The following PHF21B variants were observed in gnomAD, a reference collection of about 807,000 sequenced individuals.
PHF21B encodes PHD finger protein 4.
PHF21B carries 22 observed loss-of-function variants against 62.2 expected under a neutral mutation model. The observed-to-expected ratio is 0.35, with a 90% CI of 0.25 to 0.51. PHF21B has a LOEUF of 0.51. PHF21B is among the 20% of genes least tolerant of loss of function. The pLI, the probability that PHF21B is intolerant of heterozygous loss-of-function variation, is 0.97. For missense variants in PHF21B, 701 were observed against 707.9 expected (o/e 0.99, Z 0.11); for synonymous variants, 341 against 314.7 (o/e 1.08, Z -0.88).
At position 44,887,905 on chromosome 22, in the gene PHF21B, C is replaced by T. The variant is rs2070888237; in HGVS notation, c.1197+58G>A. 11 of 1,372,628 alleles carry T rather than the reference C, an allele frequency of 8.0e-6. No individual in the cohort carries two copies. In the South Asian group the frequency reaches 1.7e-4, roughly 21 times the overall value. The allele number at this position is 1,372,628 out of a possible 1,614,324, so 85.0% of individuals were successfully genotyped here. ...TCACCCCTCCTCTGCCCTGTCTCTGCCTACGGTGGGGACCTCCATGCCAGT... is the reference window on the plus strand; with the variant it reads ...TCACCCCTCCTCTGCCCTGTCTCTGTCTACGGTGGGGACCTCCATGCCAGT... On this transcript the variant is annotated intron_variant, in intron 10 of 12. Coordinates refer to ENST00000313237, the MANE Select transcript of PHF21B (RefSeq NM_138415.5).
At chr22:45,006,133 G>A (rs190083155) in intron 2 of PHF21B, among the ~76,000 whole-genome samples, 105 of 152,226 alleles carry the variant, frequency 6.9e-4, no homozygotes, top group African/African-American at 2.5e-3. Flanking sequence ...AAGACAAGGC[G>A]GCTTTATTAG....
chr22:44,935,650 C>A (rs904546142), intron 2 of PHF21B, among the ~76,000 whole-genome samples: 7 of 151,874 alleles, frequency 4.6e-5, no homozygotes, highest in African/African-American at 1.7e-4. Context: ...AACAGAAGCA[C>A]ATGGCTCACA....
chr22:44,882,739 G>A lies in PHF21B; in HGVS notation c.*347C>T. On this transcript the variant is annotated 3_prime_UTR_variant, in exon 13 of 13. Coordinates refer to ENST00000313237, the MANE Select transcript of PHF21B (RefSeq NM_138415.5). Reference sequence around the variant, plus strand: ...GGGGGGCGTGCTTGTCCCCTCCACAGCCTCAGCCTGCCCCTCCAACGGGCC... The same window carrying A: ...GGGGGGCGTGCTTGTCCCCTCCACAACCTCAGCCTGCCCCTCCAACGGGCC... 3.9e-6 allele frequency: 1 copy of A among 259,290 alleles called. No homozygotes were observed. Among genetic ancestry groups the A allele is most frequent in the Non-Finnish European group, 7.3e-6 (1 of 136,200 alleles). 16.1% of individuals were successfully genotyped at this position (259,290 alleles called of 1,614,324 possible).
intron 2 of PHF21B, among the ~76,000 whole-genome samples, chr22:44,966,628 G>A (rs535767012): frequency 1.1e-3 from 172 of 152,196 alleles, no homozygotes; most frequent in South Asian, 3.3e-3. Flanking sequence ...CCCTCCATCC[G>A]TCTGTCACAG....
At chr22:44,884,413 C>CACCAT (rs1321282384) in intron 12 of PHF21B, among the ~76,000 whole-genome samples, 10 of 51,868 alleles carry the variant, frequency 1.9e-4, no homozygotes, top group Non-Finnish European at 4.2e-4. Flanking sequence ...ACCACCATCA[C>CACCAT]CACCACCATG....
In PHF21B at chr22:44,992,297, G is replaced by A. The variant is rs1031674865; in HGVS notation, c.120+16248C>T. On this transcript the variant is annotated intron_variant, in intron 2 of 12. Coordinates refer to ENST00000313237, the MANE Select transcript of PHF21B (RefSeq NM_138415.5). The stretch of plus-strand genomic sequence containing the variant: ...CTGCCGCTGCCCAGGGATGCTGGAC[G>A]ATGAAATGCATGGGAGGAACTGACG... 3.3e-5 allele frequency among the ~76,000 whole-genome samples: 5 copies of A among 152,246 alleles called. No individual in the cohort carries two copies. The South Asian group carries it at 6.2e-4, about 19-fold the overall frequency.
chr22:44,919,500 T>C (rs1361534566), intron 3 of PHF21B, among the ~76,000 whole-genome samples: 1 of 152,182 alleles, frequency 6.6e-6, no homozygotes, highest in Non-Finnish European at 1.5e-5. Flanking sequence ...TGCTCTAGAC[T>C]CTGATTCAGC....
At chr22:44,885,554 T>G in intron 11 of PHF21B, 25 bp from the exon 12 acceptor site, 3 of 1,562,826 alleles carry the variant, frequency 1.9e-6, no homozygotes, top group Non-Finnish European at 2.6e-6. Context: ...GCCAGGTCCC[T>G]GGAGAGGGGC....
rs1176312120 is a variant in PHF21B at position 44,883,258 on chromosome 22, G to A, written c.1424C>T (p.Thr475Ile). Residue 475 changes from threonine to isoleucine, a missense_variant, in exon 13 of 13, where the codon ACC becomes ATC. By Grantham distance (89) the Thr-to-Ile change is moderately conservative. Transcript: ENST00000313237. The stretch of plus-strand genomic sequence containing the variant: ...CCGCAGGCGGTCCAGGGATGACTGG[G>A]TGCCCCTCTGGCGGGCCAGCAGGCT... Reference protein sequence around the residue: ...KTSLLARQRGTQSSLDRLRAL... With the variant: ...KTSLLARQRGIQSSLDRLRAL... 1 of 1,613,760 alleles carries A rather than the reference G, an allele frequency of 6.2e-7. No homozygotes were observed. Among genetic ancestry groups the A allele is most frequent in the Non-Finnish European group, 8.5e-7 (1 of 1,179,952 alleles).
intron 5 of PHF21B, among the ~76,000 whole-genome samples, chr22:44,896,851 A>G (rs894568108): frequency 1.4e-5 from 2 of 140,940 alleles, no homozygotes; most frequent in Admixed American, 7.1e-5. Flanking sequence ...TCTGTCACTT[A>G]TGAAACAGGG....
Position 44,916,587 on chromosome 22 carries a change from G to A in PHF21B, c.257C>T (p.Pro86Leu), listed in dbSNP as rs576735661. Residue 86 changes from proline to leucine, a missense_variant, in exon 4 of 13, where the codon CCG (proline) becomes CTG (leucine). Pro to Leu is a moderately conservative substitution (Grantham distance 98). Transcript: ENST00000313237. ...TLIPDSLPVA[P>L]GRDRPPKQPP... Reference sequence around the variant, plus strand: ...CTGCTTGGGTGGCCGGTCCCGGCCCGGGGCAACGGGGAGGCTGTCTGGAAT... The same window carrying A: ...CTGCTTGGGTGGCCGGTCCCGGCCCAGGGCAACGGGGAGGCTGTCTGGAAT... 20 of 1,604,566 alleles carry A rather than the reference G, an allele frequency of 1.2e-5. No individual in the cohort carries two copies. Among genetic ancestry groups the A allele is most frequent in the African/African-American group, 4.0e-5 (3 of 74,938 alleles).
chr22:44,982,801 T>C (rs2072867327), intron 2 of PHF21B, among the ~76,000 whole-genome samples: 1 of 152,088 alleles, frequency 6.6e-6, no homozygotes, highest in Non-Finnish European at 1.5e-5. Flanking sequence ...TGAGTGTGTA[T>C]TACGGGAGCA....
intron 4 of PHF21B, among the ~76,000 whole-genome samples, chr22:44,914,901 T>C (rs2147299733): frequency 6.6e-6 from 1 of 152,330 alleles, no homozygotes; most frequent in South Asian, 2.1e-4. Context: ...TTTATTTCTT[T>C]GGACAGGAAA....
chr22:44,925,683 T>C (rs6007388), intron 2 of PHF21B, among the ~76,000 whole-genome samples: 59,342 of 152,140 alleles, frequency 0.39, 11,818 homozygotes, highest in Admixed American at 0.43. Flanking sequence ...TGCTCTTGGC[T>C]GGCACAGCCT....
At chr22:44,971,795 TC>T (rs2072643466) in intron 2 of PHF21B, among the ~76,000 whole-genome samples, 1 of 152,236 alleles carries the variant, frequency 6.6e-6, no homozygotes, top group Non-Finnish European at 1.5e-5. Context: ...CACTGACCCC[TC>T]CCGCACTTGC....
chr22:44,938,229 C>T (rs999335487), intron 2 of PHF21B, among the ~76,000 whole-genome samples: 4 of 152,044 alleles, frequency 2.6e-5, no homozygotes, highest in African/African-American at 9.7e-5. Flanking sequence ...TGCCTGCCAC[C>T]ATGCCTGGTT....
chr22:44,933,323 C>A (rs533093962), intron 2 of PHF21B: 5 of 358,086 alleles, frequency 1.4e-5, no homozygotes, highest in African/African-American at 8.8e-5. Flanking sequence ...GTTGGTCAGG[C>A]TGGTCTCGAA....
intron 2 of PHF21B, among the ~76,000 whole-genome samples, chr22:44,935,601 A>G (rs1429133597): frequency 6.9e-6 from 1 of 145,268 alleles, no homozygotes; most frequent in Non-Finnish European, 1.5e-5. Context: ...GCGACAGAGC[A>G]AGACTCCGCC....
In PHF21B at chr22:44,993,998, C is replaced by T. The variant is rs187947719; in HGVS notation, c.120+14547G>A. 2.0e-5 allele frequency among the ~76,000 whole-genome samples: 3 copies of T among 152,336 alleles called. No individual in the cohort carries two copies. In the East Asian group the frequency reaches 5.8e-4, roughly 29 times the overall value. On this transcript the variant is annotated intron_variant, in intron 2 of 12. Coordinates refer to ENST00000313237, the MANE Select transcript of PHF21B (RefSeq NM_138415.5). ...AGTTTCAGAAGATCCTGCCATCCCA[C>T]CGCTTAGGATGGAGCACGGGTTCAT...
Sources: gnomAD v4.1 joint callset for allele counts (sites outside exome capture counted in the v4.1 genomes callset) on GRCh38, gnomAD v4.1.1 for gene constraint, MANE v1.5 for transcripts, NCBI Gene and HGNC (gene_info 2026-07-23, HGNC 2026-07-21) for gene names.